DAOA: variants seen among roughly 807,000 people sequenced by gnomAD.
The protein encoded by DAOA is D-amino acid oxidase activator.
A neutral mutation model predicts 16.4 loss-of-function variants in DAOA; 15 were observed. The ratio of observed to expected loss-of-function variants is 0.91; its 90% CI spans 0.61 to 1.41. DAOA has a LOEUF of 1.41. Ranked by LOEUF, DAOA falls within the 40% of genes most tolerant of loss-of-function variation. The pLI is 0.00. For missense variants in DAOA, 230 were observed against 176.8 expected, an observed-to-expected ratio of 1.30 and a Z score of -1.71; for synonymous variants, 75 against 59.1, an observed-to-expected ratio of 1.27 and a Z score of -1.23.
intron 4 of DAOA, among the ~76,000 whole-genome samples, chr13:105,482,506 G>C (rs1400053039): frequency 5.1e-4 from 68 of 134,118 alleles, no homozygotes; most frequent in Non-Finnish European, 9.0e-4. Context: ...CTTGGTGTAA[G>C]TTTTTTTTTT....
In DAOA at chr13:105,484,197, A is replaced by AT. The variant is rs923405837; in HGVS notation, c.282-5694dup. Reference sequence around the variant, plus strand: ...CAGTTGTCCATATATGTATAGGTCTATTTTTTTTTTACTTTCTATTTTATC... The same window carrying AT: ...CAGTTGTCCATATATGTATAGGTCTATTTTTTTTTTTACTTTCTATTTTATC... On this transcript the variant is annotated intron_variant, in intron 4 of 5. Transcript: ENST00000375936. 2.1e-3 allele frequency among the ~76,000 whole-genome samples: 317 copies of AT among 149,430 alleles called. 1 individual carries two copies. The highest frequency in any genetic ancestry group is 7.1e-3 in the African/African-American group (291 of 40,846).
intron 3 of DAOA, among the ~76,000 whole-genome samples, chr13:105,472,277 A>G (rs1027313462): frequency 6.6e-6 from 1 of 152,174 alleles, no homozygotes; most frequent in African/African-American, 2.4e-5. Flanking sequence ...GTTTTACTGT[A>G]ACTAAATGAC....
intron 4 of DAOA, among the ~76,000 whole-genome samples, chr13:105,477,553 A>G (rs770461587): frequency 6.6e-6 from 1 of 152,212 alleles, no homozygotes; most frequent in Non-Finnish European, 1.5e-5. Context: ...CCTAGATGCC[A>G]TCTCTACAAA....
intron 4 of DAOA, among the ~76,000 whole-genome samples, chr13:105,476,491 A>C (rs1877340147): frequency 6.9e-6 from 1 of 144,088 alleles, no homozygotes; most frequent in South Asian, 2.4e-4. Context: ...GTACCAAAAA[A>C]CATGAATCTG....
At chr13:105,482,061 T>A (rs72655083) in intron 4 of DAOA, among the ~76,000 whole-genome samples, 2 of 151,864 alleles carry the variant, frequency 1.3e-5, no homozygotes, top group East Asian at 2.0e-4. Context: ...AAAATTCCCC[T>A]TTATAAAACC....
chr13:105,487,869 C>A (rs909894021), intron 4 of DAOA, among the ~76,000 whole-genome samples: 1 of 152,116 alleles, frequency 6.6e-6, no homozygotes, highest in Non-Finnish European at 1.5e-5. Flanking sequence ...AATGGAGTGA[C>A]CAATGTCAAC....
intron 4 of DAOA, among the ~76,000 whole-genome samples, chr13:105,473,241 G>C (rs1566375584): frequency 6.6e-6 from 1 of 151,866 alleles, no homozygotes; most frequent in African/African-American, 2.4e-5. Flanking sequence ...ATTTTCCACT[G>C]TTTGACCCCC....
Position 105,490,124 on chromosome 13 carries a change from T to C in DAOA, c.*43T>C, listed in dbSNP as rs1245583863. 2.0e-6 allele frequency: 3 copies of C among 1,526,254 alleles called. No homozygotes were observed. The highest frequency in any genetic ancestry group is 2.6e-6 in the Non-Finnish European group (3 of 1,132,578). 94.5% of individuals were successfully genotyped at this position (1,526,254 alleles called of 1,614,324 possible). On this transcript the variant is annotated 3_prime_UTR_variant, in exon 5 of 6. Transcript: ENST00000375936. ...TCCCAGCCAATCCTTCTGATGACAATGTAGTCTGGCCAACATCTTCACTGG... is the reference window on the plus strand; with the variant it reads ...TCCCAGCCAATCCTTCTGATGACAACGTAGTCTGGCCAACATCTTCACTGG...
At chr13:105,467,281 T>A (rs1876591844) in intron 3 of DAOA, 140 bp downstream of exon 3, 6 of 979,536 alleles carry the variant, frequency 6.1e-6, no homozygotes, top group Non-Finnish European at 8.6e-6. Flanking sequence ...GAAGAAAATT[T>A]TTCCAGTTAA....
rs1490907366 is a variant in DAOA at position 105,489,942 on chromosome 13, C to A, written c.323C>A (p.Ala108Glu). The change falls in exon 5 of 6, where the codon GCA becomes GAA. Residue 108 changes from alanine (A) to glutamate (E), a missense_variant. Physicochemically the swap from Ala to Glu is moderately radical, Grantham distance 107. Coordinates refer to ENST00000375936, the MANE Select transcript of DAOA (RefSeq NM_172370.5). ...AGCCATGTTGGAAAAGTCTTCATGG[C>A]AAGAAACTATGAGTTCCTTGCCTAT... ...VSSHVGKVFM[A>E]RNYEFLAYEA... 2 of 1,613,844 alleles carry A rather than the reference C, an allele frequency of 1.2e-6. No homozygotes were observed. Among genetic ancestry groups the A allele is most frequent in the Admixed American group, 1.7e-5 (1 of 59,956 alleles).
At chr13:105,485,908 G>A (rs952186756) in intron 4 of DAOA, among the ~76,000 whole-genome samples, 1 of 152,110 alleles carries the variant, frequency 6.6e-6, no homozygotes, top group Non-Finnish European at 1.5e-5. Context: ...TCCCAAACTG[G>A]GAGAGAATAG....
At chr13:105,487,769 G>A (rs1274848330) in intron 4 of DAOA, among the ~76,000 whole-genome samples, 3 of 151,812 alleles carry the variant, frequency 2.0e-5, no homozygotes, top group Non-Finnish European at 4.4e-5. Flanking sequence ...CTTTTGTTTG[G>A]GCTAAACATA....
intron 4 of DAOA, among the ~76,000 whole-genome samples, chr13:105,478,515 T>C (rs984858464): frequency 2.0e-5 from 3 of 152,190 alleles, no homozygotes; most frequent in Non-Finnish European, 1.5e-5. Flanking sequence ...TTCTTTTCTG[T>C]TCAAGAATAG....
chr13:105,472,573 A>T lies in DAOA; in HGVS notation c.169A>T (p.Arg57Trp). The T allele has an allele frequency of 6.2e-7, 1 of 1,614,086 alleles. No individual in the cohort carries two copies. The highest frequency in any genetic ancestry group is 8.5e-7 in the Non-Finnish European group (1 of 1,179,948). Residue 57 changes from arginine to tryptophan, a missense_variant, in exon 4 of 6, where the codon AGG (arginine) becomes TGG (tryptophan). Coordinates refer to ENST00000375936, the MANE Select transcript of DAOA (RefSeq NM_172370.5). ...AGAAGAAGGAAGAGAGACGGTAACA[A>T]GGAAAGAAGGATGGAAGAGAAGGCA... ...ETEEGRETVT[R>W]KEGWKRRHED... is the part of the protein sequence containing the mutation.
chr13:105,475,724 G>A (rs1351438542), intron 4 of DAOA, among the ~76,000 whole-genome samples: 1 of 152,002 alleles, frequency 6.6e-6, no homozygotes, highest in Admixed American at 6.6e-5. Context: ...GGTGATTTAG[G>A]GTGAAGAATA....
intron 3 of DAOA, 83 bp downstream of exon 3, chr13:105,467,224 A>C: frequency 7.2e-7 from 1 of 1,383,992 alleles, no homozygotes. Flanking sequence ...AATACTTTTG[A>C]CATATTTTCA....
chr13:105,483,863 T>A (rs988138648), intron 4 of DAOA, among the ~76,000 whole-genome samples: 1 of 152,136 alleles, frequency 6.6e-6, no homozygotes, highest in African/African-American at 2.4e-5. Context: ...TTTTTTGTTG[T>A]TGCGATTGTT....
chr13:105,476,415 C>T (rs74114221), intron 4 of DAOA, among the ~76,000 whole-genome samples: 1,824 of 151,220 alleles, frequency 0.012, 31 homozygotes, highest in African/African-American at 0.038. Flanking sequence ...AATTTTCACC[C>T]AGAGGTATTT....
intron 4 of DAOA, among the ~76,000 whole-genome samples, chr13:105,474,149 G>A (rs1877180872): frequency 6.6e-6 from 1 of 151,968 alleles, no homozygotes; most frequent in Non-Finnish European, 1.5e-5. Flanking sequence ...ATTATTATAA[G>A]TAATGAAATT....
Sources: allele counts gnomAD v4.1 joint callset (sites outside exome capture counted in the v4.1 genomes callset), GRCh38; gene constraint gnomAD v4.1.1; transcripts MANE v1.5; gene names NCBI Gene and HGNC (gene_info 2026-07-23, HGNC 2026-07-21).